The following CELF2 variants were observed in gnomAD, a reference collection of about 807,000 sequenced individuals.
The protein encoded by CELF2 is CUG triplet repeat RNA-binding protein 2.
Under a neutral mutation model 62.6 loss-of-function variants are expected in CELF2, and 8 were observed. That is an observed-to-expected ratio of 0.13 (90% CI 0.07 to 0.23). The LOEUF is 0.23. Among genes scored for constraint, CELF2 ranks in the 10% least tolerant of loss-of-function variants. The pLI, the probability that CELF2 is intolerant of heterozygous loss-of-function variation, is 1.00. For synonymous variants in CELF2, 258 were observed against 250.0 expected (o/e 1.03, Z -0.30); for missense variants, 333 against 671.0 (o/e 0.50, Z 5.56).
chr10:10,537,259 A>G, the CELF2 span, among the ~76,000 whole-genome samples: 37 of 152,340 alleles, frequency 2.4e-4, no homozygotes, highest in Admixed American at 9.1e-4. Context: ...AGAAATGCCA[A>G]GAGATGGATA....
intron 1 of CELF2, among the ~76,000 whole-genome samples, chr10:10,842,579 A>G (rs959037696): frequency 1.3e-5 from 2 of 152,056 alleles, no homozygotes; most frequent in Admixed American, 1.3e-4. Context: ...GCCTGTTGAT[A>G]TAGTAGATTA....
the CELF2 span, among the ~76,000 whole-genome samples, chr10:10,643,820 A>G: frequency 6.6e-6 from 1 of 152,178 alleles, no homozygotes; most frequent in Non-Finnish European, 1.5e-5. Flanking sequence ...AAAATTTTAA[A>G]TTGTGACAGT....
chr10:10,583,407 C>T, the CELF2 span, among the ~76,000 whole-genome samples: 2 of 152,160 alleles, frequency 1.3e-5, no homozygotes, highest in African/African-American at 4.8e-5. Context: ...GTAATTCAGG[C>T]TTACCTGTGC....
the CELF2 span, among the ~76,000 whole-genome samples, chr10:10,686,209 G>T: frequency 8.0e-5 from 12 of 149,716 alleles, no homozygotes; most frequent in African/African-American, 2.7e-4. Context: ...TGGGAAAAAC[G>T]TTTGAAGTTA....
At chr10:11,320,023 C>G in intron 10 of CELF2, 1 of 353,196 alleles carries the variant, frequency 2.8e-6, no homozygotes, top group Non-Finnish European at 5.7e-6. Context: ...TTTCATATCT[C>G]CAATCAATAG....
At chr10:10,726,727 C>G in the CELF2 span, among the ~76,000 whole-genome samples, 4 of 152,154 alleles carry the variant, frequency 2.6e-5, no homozygotes, top group Non-Finnish European at 4.4e-5. Context: ...AAGCACCTAC[C>G]TCAAACAATT....
the CELF2 span, among the ~76,000 whole-genome samples, chr10:10,735,388 GA>G: frequency 4.6e-5 from 7 of 152,032 alleles, no homozygotes; most frequent in South Asian, 2.1e-4. Context: ...AGTATGTTGC[GA>G]AAAAAATTTC....
rs1215194936 is a variant in CELF2, at chr10:11,260,073, AC to A, written c.538+2202del. On this transcript the variant is annotated intron_variant, in intron 5 of 12. Transcript: ENST00000633077. This position sits in a 1 kb window ranked among gnomAD's most constrained non-coding sequence, Gnocchi z 4.2. ...GCCAGTGACCCCAAGTTCCAGACCC[AC>A]AACTTCTACTGAAATGAAATAGAAC... is the stretch of plus-strand genomic sequence containing the variant. Among the ~76,000 whole-genome samples, 3 of 152,206 alleles carry A rather than the reference AC, an allele frequency of 2.0e-5. No homozygotes were observed. Among genetic ancestry groups the A allele is most frequent in the African/African-American group, 7.2e-5 (3 of 41,450 alleles).
chr10:10,524,941 G>T, the CELF2 span, among the ~76,000 whole-genome samples: 486 of 152,206 alleles, frequency 3.2e-3, 5 homozygotes, highest in African/African-American at 0.011. Context: ...TGATAATATC[G>T]CTCTAGTCCT....
At chr10:10,800,188 G>C (rs928269592) in intron 1 of CELF2, among the ~76,000 whole-genome samples, 1 of 152,144 alleles carries the variant, frequency 6.6e-6, no homozygotes, top group South Asian at 2.1e-4. Flanking sequence ...AAAAAGTACT[G>C]CATGTCATAT....
intron 2 of CELF2, chr10:10,924,975 T>A (rs1186262540): frequency 6.6e-6 from 1 of 152,160 alleles, no homozygotes; most frequent in East Asian, 1.9e-4. Context: ...ACCGAACAGA[T>A]TCCATTTAAA....
chr10:10,466,924 T>C, the CELF2 span, among the ~76,000 whole-genome samples: 2 of 152,176 alleles, frequency 1.3e-5, no homozygotes, highest in East Asian at 3.9e-4. Flanking sequence ...AGTTATTTTT[T>C]CTCCTGGATA....
intron 2 of CELF2, among the ~76,000 whole-genome samples, chr10:10,921,975 G>T (rs1399491035): frequency 6.6e-6 from 1 of 152,226 alleles, no homozygotes. Flanking sequence ...AGGAGAAGCA[G>T]AGTGAGCCCA....
At chr10:11,123,504 C>T (rs1369447842) in intron 1 of CELF2, among the ~76,000 whole-genome samples, 2 of 152,182 alleles carry the variant, frequency 1.3e-5, no homozygotes, top group African/African-American at 2.4e-5. Flanking sequence ...CCCACCTCAG[C>T]CTCCCAAAGT....
intron 1 of CELF2, among the ~76,000 whole-genome samples, chr10:10,888,328 A>T (rs1362945003): frequency 6.6e-6 from 1 of 152,192 alleles, no homozygotes; most frequent in Admixed American, 6.5e-5. Context: ...TGGGAAGAGC[A>T]TGGCACAGGC....
chr10:11,304,511 C>G (rs1166981047), intron 9 of CELF2, among the ~76,000 whole-genome samples: 1 of 152,200 alleles, frequency 6.6e-6, no homozygotes, highest in Non-Finnish European at 1.5e-5. Flanking sequence ...TGGTGAGGGC[C>G]TTCTTGCTGG....
rs2074427998 is a variant in CELF2, at chr10:11,082,989, A to C, written c.74+64826A>C. On this transcript the variant is annotated intron_variant, in intron 1 of 12. Coordinates refer to ENST00000633077, the MANE Select transcript of CELF2 (RefSeq NM_001326342.2). Reference sequence around the variant, plus strand: ...TCTAAGCTGAATAAATAGATGTCAGATAAAAAATTCCATTCATATAAGAAT... The same window carrying C: ...TCTAAGCTGAATAAATAGATGTCAGCTAAAAAATTCCATTCATATAAGAAT... Among the ~76,000 whole-genome samples, 3 of 152,242 alleles carry C rather than the reference A, an allele frequency of 2.0e-5. No individual in the cohort carries two copies. In the South Asian group the frequency reaches 6.2e-4, roughly 31 times the overall value.
At position 11,237,491 on chromosome 10, in the gene CELF2, C is replaced by T. The variant is rs575599816; in HGVS notation, c.355-11662C>T. On this transcript the variant is annotated intron_variant, in intron 3 of 12. Coordinates refer to ENST00000633077, the MANE Select transcript of CELF2 (RefSeq NM_001326342.2). This position sits in a 1 kb window ranked among gnomAD's most constrained non-coding sequence, Gnocchi z 4.0. ...GAGATCAGGGTGGACAGAGTCGAGC[C>T]CTGCAAAGAGGCTCAGAAGATCCAG... Among the ~76,000 whole-genome samples the T allele has an allele frequency of 2.8e-4, 43 of 152,236 alleles. No individual in the cohort carries two copies. Among genetic ancestry groups the T allele is most frequent in the Non-Finnish European group, 5.1e-4 (35 of 68,022 alleles).
chr10:10,786,359 AT>A, the CELF2 span, among the ~76,000 whole-genome samples: 1 of 152,106 alleles, frequency 6.6e-6, no homozygotes, highest in Non-Finnish European at 1.5e-5. Context: ...GGTCTTGGGT[AT>A]TTACAAGAGG....
Sources: gnomAD v4.1 joint callset for allele counts (sites outside exome capture counted in the v4.1 genomes callset) on GRCh38, gnomAD v4.1.1 for gene constraint, Gnocchi (gnomAD v3.1) non-coding constraint, MANE v1.5 for transcripts, NCBI Gene and HGNC (gene_info 2026-07-23, HGNC 2026-07-21) for gene names.